HK2: variants seen among roughly 807,000 people sequenced by gnomAD.
HK2 encodes hexokinase-2.
In HK2, 42 loss-of-function variants were observed where a neutral mutation model predicts 92.9. That is an observed-to-expected ratio of 0.45 (90% confidence interval 0.35 to 0.58). HK2 has a LOEUF of 0.58. HK2 is among the 20% of genes least tolerant of loss of function. The pLI, the probability that HK2 is intolerant of heterozygous loss-of-function variation, is 0.00. For missense variants in HK2, 978 were observed against 1,245.1 expected, an observed-to-expected ratio of 0.79 and a Z score of 3.23; for synonymous variants, 422 against 468.0, an observed-to-expected ratio of 0.90 and a Z score of 1.27.
intron 5 of HK2, 33 bp from the exon 6 acceptor site, chr2:74,873,811 T>C (rs1429872112): frequency 6.7e-7 from 1 of 1,497,694 alleles, no homozygotes; most frequent in South Asian, 1.1e-5. Context: ...TCTGTGATGA[T>C]GAAGGTCAGA....
At chr2:74,846,470 T>C (rs1320290533) in intron 1 of HK2, among the ~76,000 whole-genome samples, 1 of 152,216 alleles carries the variant, frequency 6.6e-6, no homozygotes, top group African/African-American at 2.4e-5. Context: ...ATCACTGTCC[T>C]GACTAACAGC....
chr2:74,854,213 T>A, intron 1 of HK2, 80 bp from the exon 2 acceptor site: 18 of 1,322,176 alleles, frequency 1.4e-5, no homozygotes, highest in Non-Finnish European at 2.0e-5. Context: ...TTTGAAGAGC[T>A]GAGTGGTGTT....
At chr2:74,878,438 TGC>T (rs1046099176) in intron 8 of HK2, among the ~76,000 whole-genome samples, 19 of 143,318 alleles carry the variant, frequency 1.3e-4, no homozygotes, top group African/African-American at 3.6e-4. Context: ...TGTGTGTGTG[TGC>T]GCACGCACAT....
chr2:74,885,448 G>A, intron 12 of HK2, 46 bp from the exon 13 acceptor site: 2 of 1,377,192 alleles, frequency 1.5e-6, no homozygotes, highest in Non-Finnish European at 2.1e-6. Context: ...AACTGACCTG[G>A]GAGCTCTTCC....
intron 7 of HK2, among the ~76,000 whole-genome samples, chr2:74,876,300 G>A (rs1366339678): frequency 6.6e-6 from 1 of 152,162 alleles, no homozygotes; most frequent in African/African-American, 2.4e-5. Flanking sequence ...CCTCCTCGCT[G>A]GGGCTCATCC....
At chr2:74,885,643 G>C in intron 13 of HK2, 54 bp downstream of exon 13, 1 of 1,178,074 alleles carries the variant, frequency 8.5e-7, no homozygotes, top group Non-Finnish European at 1.3e-6. Context: ...TGATTGGCCT[G>C]GTCTGTGTGT....
Position 74,878,830 on chromosome 2 carries a change from G to T in HK2, c.1174G>T (p.Ala392Ser), listed in dbSNP as rs145270085. ...CAGCCTGTGCGCAGCCACCCTGGCC[G>T]CCGTGCTGCAGCGCATCAAGGAGAA... is the stretch of plus-strand genomic sequence containing the variant. ...SASLCAATLA[A>S]VLQRIKENKG... The change falls in exon 9 of 18, where the codon GCC becomes TCC. Residue 392 changes from alanine to serine, a missense_variant. By Grantham distance (99) the Ala-to-Ser change is moderately conservative. This residue lies in a region of HK2 where 742 missense variants were observed against 922.5 expected (regional missense o/e 0.80). Coordinates refer to ENST00000290573, the MANE Select transcript of HK2 (RefSeq NM_000189.5). 1.3e-6 allele frequency: 2 copies of T among 1,557,754 alleles called. No individual in the cohort carries two copies. The highest frequency in any genetic ancestry group is 2.7e-5 in the African/African-American group (2 of 73,436).
At chr2:74,886,770 C>A in intron 15 of HK2, 97 bp downstream of exon 15, 1 of 1,259,022 alleles carries the variant, frequency 7.9e-7, no homozygotes, top group Non-Finnish European at 1.2e-6. Flanking sequence ...GACGCCGGTT[C>A]TCGTGAGATG....
Position 74,882,605 on chromosome 2 carries a change from TTATATATATA to T in HK2, c.1839+373_1839+382del, listed in dbSNP as rs141761906. Among the ~76,000 whole-genome samples the T allele has an allele frequency of 2.0e-4, 15 of 75,738 alleles. 1 individual carries two copies. The highest frequency in any genetic ancestry group is 4.8e-4 in the Admixed American group (4 of 8,306). The allele number at this position is 75,738 out of a possible 152,430, so 49.7% of individuals were successfully genotyped here. On this transcript the variant is annotated intron_variant, in intron 12 of 17. Coordinates refer to ENST00000290573, the MANE Select transcript of HK2 (RefSeq NM_000189.5). Reference sequence around the variant, plus strand: ...TAGGAAGACCCCATCTCTATTGAACTTATATATATATATATAGCATTTTTAAGCACTTACT... The same window carrying T: ...TAGGAAGACCCCATCTCTATTGAACTTATATAGCATTTTTAAGCACTTACT...
chr2:74,841,914 A>C (rs766478194), intron 1 of HK2, among the ~76,000 whole-genome samples: 3 of 152,268 alleles, frequency 2.0e-5, no homozygotes, highest in South Asian at 4.1e-4. Context: ...GGAGCAGAGG[A>C]GGTAGGCCAG....
chr2:74,872,278 A>G, intron 3 of HK2, 22 bp from the exon 4 acceptor site: 3 of 1,613,642 alleles, frequency 1.9e-6, no homozygotes, highest in Non-Finnish European at 2.5e-6. Flanking sequence ...TCTGCTCACC[A>G]CCCTGTGTCA....
chr2:74,874,943 A>G (rs1370472587), intron 7 of HK2, among the ~76,000 whole-genome samples: 1 of 152,122 alleles, frequency 6.6e-6, no homozygotes, highest in Non-Finnish European at 1.5e-5. Flanking sequence ...CCCTGGAGAC[A>G]TTGGCTGAGG....
At chr2:74,852,879 A>G (rs1395011699) in intron 1 of HK2, among the ~76,000 whole-genome samples, 1 of 152,202 alleles carries the variant, frequency 6.6e-6, no homozygotes, top group Non-Finnish European at 1.5e-5. Context: ...TGTGCCAGGC[A>G]CCGTGCCAGC....
intron 1 of HK2, among the ~76,000 whole-genome samples, chr2:74,836,262 A>T (rs563115367): frequency 6.6e-6 from 1 of 152,292 alleles, no homozygotes; most frequent in African/African-American, 2.4e-5. Context: ...ATCCTTGCAT[A>T]AATTTACTCT....
At chr2:74,856,762 A>G (rs1260034995) in intron 2 of HK2, among the ~76,000 whole-genome samples, 4 of 152,202 alleles carry the variant, frequency 2.6e-5, no homozygotes, top group African/African-American at 9.7e-5. Flanking sequence ...AGCCAGTGGG[A>G]GGCCGAGTTA....
At chr2:74,870,491 T>C (rs371590907) in intron 3 of HK2, among the ~76,000 whole-genome samples, 2 of 151,574 alleles carry the variant, frequency 1.3e-5, no homozygotes, top group South Asian at 4.2e-4. Flanking sequence ...TTTTCCCCCT[T>C]CTAACCCCCA....
At position 74,878,682 on chromosome 2, in the gene HK2, T is replaced by G. The variant is rs1405532516; in HGVS notation, c.1032-6T>G. ...CAGGCCCACATGCTATCTTTCTGTTTCCCAGGGAGAAGGATGGCATCCGGA... is the reference window on the plus strand; with the variant it reads ...CAGGCCCACATGCTATCTTTCTGTTGCCCAGGGAGAAGGATGGCATCCGGA... On this transcript the variant is annotated splice_region_variant and splice_polypyrimidine_tract_variant and intron_variant, in intron 8 of 17. Transcript: ENST00000290573. 2 of 1,600,326 alleles carry G rather than the reference T, an allele frequency of 1.2e-6. No homozygotes were observed.
chr2:74,845,720 C>G (rs1208922830), intron 1 of HK2, among the ~76,000 whole-genome samples: 3 of 152,158 alleles, frequency 2.0e-5, no homozygotes, highest in Non-Finnish European at 4.4e-5. Context: ...GTTCCTTGTC[C>G]CATCTGAAGA....
chr2:74,854,175 A>G, intron 1 of HK2, 118 bp from the exon 2 acceptor site: 1 of 976,316 alleles, frequency 1.0e-6, no homozygotes, highest in Admixed American at 1.7e-5. Context: ...TTTAATAATA[A>G]CTTTCTGTAC....
Sources: allele counts gnomAD v4.1 joint callset (sites outside exome capture counted in the v4.1 genomes callset), GRCh38; gene constraint gnomAD v4.1.1; regional missense constraint gnomAD v4.1.1; transcripts MANE v1.5; gene names NCBI Gene and HGNC (gene_info 2026-07-23, HGNC 2026-07-21).